The following MDGA2 variants were observed in gnomAD, a reference collection of about 807,000 sequenced individuals.
The protein encoded by MDGA2 is MAM domain-containing glycosylphosphatidylinositol anchor protein 2.
MDGA2 carries 40 observed loss-of-function variants against 117.8 expected under a neutral mutation model. The ratio of observed to expected loss-of-function variants is 0.34; its 90% CI spans 0.26 to 0.44. The LOEUF (loss-of-function observed/expected upper bound fraction) is 0.44. Ranked by LOEUF, MDGA2 falls within the 20% of genes least tolerant of loss-of-function variation. MDGA2 has a pLI of 1.00. For synonymous variants in MDGA2, 452 were observed against 439.0 expected (o/e 1.03, Z -0.37); for missense variants, 1,123 against 1,250.6 (o/e 0.90, Z 1.54).
chr14:46,881,982 A>C, intron 11 of MDGA2, 62 bp downstream of exon 11: 1 of 1,217,452 alleles, frequency 8.2e-7, no homozygotes. Context: ...AGATAGCAGC[A>C]ACCAAAATTT....
intron 1 of MDGA2, among the ~76,000 whole-genome samples, chr14:47,547,918 A>G (rs1895495141): frequency 6.6e-6 from 1 of 152,190 alleles, no homozygotes; most frequent in Non-Finnish European, 1.5e-5. Flanking sequence ...AATTAATAAC[A>G]ACTTAATTTC....
Position 47,610,304 on chromosome 14 carries a change from G to T in MDGA2, c.280+64213C>A, listed in dbSNP as rs142124272. The stretch of plus-strand genomic sequence containing the variant: ...ACCACTCCTCTTCAACATAGTACTG[G>T]AAGTCCTAGCCAGAGTAATCAGACA... On this transcript the variant is annotated intron_variant, in intron 1 of 16. Transcript: ENST00000399232. 2.5e-4 allele frequency among the ~76,000 whole-genome samples: 38 copies of T among 152,176 alleles called. 1 individual carries two copies. The East Asian group carries it at 7.0e-3, about 28-fold the overall frequency.
chr14:47,246,954 G>A (rs544449911), intron 2 of MDGA2, among the ~76,000 whole-genome samples: 1 of 151,806 alleles, frequency 6.6e-6, no homozygotes, highest in East Asian at 1.9e-4. Context: ...GATGCCTATG[G>A]CCAAAGCAAG....
intron 7 of MDGA2, among the ~76,000 whole-genome samples, chr14:47,041,294 T>G (rs1889058734): frequency 6.6e-6 from 1 of 152,110 alleles, no homozygotes; most frequent in Non-Finnish European, 1.5e-5. Context: ...AGAGGCAATT[T>G]GAAGACATGA....
rs533466063 is a variant in MDGA2, at chr14:46,867,257, T to C, written c.2752+6176A>G. On this transcript the variant is annotated intron_variant, in intron 14 of 16. Transcript: ENST00000399232. ...GTACTTTGTAAGGACATGGATGAAA[T>C]TGGAAATCATCATTCTCAGTAAACT... 3.4e-3 allele frequency among the ~76,000 whole-genome samples: 517 copies of C among 152,104 alleles called. 4 individuals carry two copies. The highest frequency in any genetic ancestry group is 0.012 in the African/African-American group (486 of 41,486).
chr14:47,471,777 CA>C (rs1893733664), intron 1 of MDGA2, among the ~76,000 whole-genome samples: 1 of 151,856 alleles, frequency 6.6e-6, no homozygotes. Flanking sequence ...GCTTGGAAAG[CA>C]AAATAATTCT....
chr14:46,971,932 A>C (rs1886282572), intron 8 of MDGA2, among the ~76,000 whole-genome samples: 1 of 152,158 alleles, frequency 6.6e-6, no homozygotes, highest in Non-Finnish European at 1.5e-5. Flanking sequence ...AACACTGTTG[A>C]CTTTGGGTTG....
chr14:47,361,659 G>A (rs1367917398), intron 1 of MDGA2, among the ~76,000 whole-genome samples: 1 of 151,946 alleles, frequency 6.6e-6, no homozygotes, highest in Non-Finnish European at 1.5e-5. Flanking sequence ...CAGAATGTGG[G>A]TTTCCTTACC....
At chr14:47,602,502 G>A (rs1472221345) in intron 1 of MDGA2, among the ~76,000 whole-genome samples, 2 of 151,882 alleles carry the variant, frequency 1.3e-5, no homozygotes, top group African/African-American at 4.8e-5. Context: ...AAAACAACAG[G>A]AAAAAAGAGA....
chr14:46,910,508 CA>C (rs1177311515), intron 10 of MDGA2, among the ~76,000 whole-genome samples: 1 of 152,150 alleles, frequency 6.6e-6, no homozygotes, highest in Non-Finnish European at 1.5e-5. Context: ...CCATCTATGA[CA>C]AAACCACAGC....
chr14:47,044,072 GT>G lies in MDGA2; in HGVS notation c.1526-8769del, dbSNP rs955884135. Reference sequence around the variant, plus strand: ...TCCCACATCATGTAACATTTTAAAGGTTTTTTTTTTTCAAGGTGCTTAATAA... The same window carrying G: ...TCCCACATCATGTAACATTTTAAAGGTTTTTTTTTTCAAGGTGCTTAATAA... On this transcript the variant is annotated intron_variant, in intron 7 of 16. Transcript: ENST00000399232. 3.4e-3 allele frequency among the ~76,000 whole-genome samples: 489 copies of G among 145,134 alleles called. 3 individuals are homozygous for G. Among genetic ancestry groups the G allele is most frequent in the African/African-American group, 0.011 (421 of 39,748 alleles).
intron 2 of MDGA2, among the ~76,000 whole-genome samples, chr14:47,267,508 T>C (rs1330256688): frequency 1.3e-5 from 2 of 152,106 alleles, no homozygotes; most frequent in South Asian, 2.1e-4. Context: ...TCACTGTGAC[T>C]GTTGATTCCT....
At chr14:47,158,030 CAT>C (rs1555358898) in intron 3 of MDGA2, among the ~76,000 whole-genome samples, 2 of 150,628 alleles carry the variant, frequency 1.3e-5, no homozygotes, top group Non-Finnish European at 3.0e-5. Context: ...CACACACACA[CAT>C]ACATTATACA....
chr14:47,324,795 G>GA (rs1229696302), intron 1 of MDGA2, among the ~76,000 whole-genome samples: 1 of 151,700 alleles, frequency 6.6e-6, no homozygotes, highest in Non-Finnish European at 1.5e-5. Flanking sequence ...TCGTGAAACA[G>GA]AAAAAAGTGT....
intron 2 of MDGA2, chr14:47,299,516 G>A (rs1174365686): frequency 6.6e-6 from 1 of 152,068 alleles, no homozygotes; most frequent in East Asian, 1.9e-4. Context: ...CCCAACTTTT[G>A]ATTCTGAAAT....
intron 5 of MDGA2, among the ~76,000 whole-genome samples, chr14:47,102,566 A>G (rs1021851333): frequency 9.2e-5 from 14 of 152,106 alleles, no homozygotes; most frequent in African/African-American, 3.4e-4. Flanking sequence ...AAAGGGCAAA[A>G]CAAGGAAGGA....
intron 1 of MDGA2, among the ~76,000 whole-genome samples, chr14:47,641,675 A>C (rs1311134229): frequency 6.6e-6 from 1 of 152,132 alleles, no homozygotes; most frequent in African/African-American, 2.4e-5. Context: ...CATAATGAGG[A>C]TATCAACCTC....
At chr14:47,295,495 G>A (rs1167040110) in intron 2 of MDGA2, among the ~76,000 whole-genome samples, 1 of 152,026 alleles carries the variant, frequency 6.6e-6, no homozygotes, top group African/African-American at 2.4e-5. Context: ...TTATTTGGGT[G>A]GAGAACATGA....
chr14:47,190,309 G>A (rs1885062501), intron 3 of MDGA2, among the ~76,000 whole-genome samples: 5 of 152,168 alleles, frequency 3.3e-5, no homozygotes, highest in Admixed American at 1.3e-4. Context: ...AGCCTCCCAG[G>A]ACAGCAAGCC....
Sources: allele counts gnomAD v4.1 joint callset (sites outside exome capture counted in the v4.1 genomes callset), GRCh38; gene constraint gnomAD v4.1.1; transcripts MANE v1.5; gene names NCBI Gene and HGNC (gene_info 2026-07-23, HGNC 2026-07-21).